CUEDC1: variants seen among roughly 807,000 people sequenced by gnomAD.
CUEDC1 encodes CUE domain containing 1.
In CUEDC1, 30 loss-of-function variants were observed where a neutral mutation model predicts 43.7. The observed-to-expected ratio is 0.69, with a 90% CI of 0.51 to 0.93. The LOEUF (loss-of-function observed/expected upper bound fraction) is 0.93, where lower values mean the gene tolerates loss of function less well. Ranked by LOEUF, CUEDC1 falls within the 40% of genes least tolerant of loss-of-function variation. The pLI is 0.00. For synonymous variants in CUEDC1, 223 were observed against 223.6 expected, an observed-to-expected ratio of 1.00 and a Z score of 0.02; for missense variants, 486 against 549.0, an observed-to-expected ratio of 0.89 and a Z score of 1.15.
intron 1 of CUEDC1, among the ~76,000 whole-genome samples, chr17:57,900,804 T>G (rs540274096): frequency 6.6e-6 from 1 of 152,364 alleles, no homozygotes; most frequent in South Asian, 2.1e-4. Flanking sequence ...GCTCTCATCT[T>G]TAAAGCTGTT....
intron 1 of CUEDC1, among the ~76,000 whole-genome samples, chr17:57,951,994 T>C (rs1020812642): frequency 3.3e-5 from 5 of 152,132 alleles, no homozygotes; most frequent in Non-Finnish European, 5.9e-5. Context: ...AGAGAAACAC[T>C]GAGTGAGCCA....
chr17:57,871,266 T>C lies in CUEDC1; in HGVS notation c.868+20A>G. The stretch of plus-strand genomic sequence containing the variant: ...TCCCCACTATGCCTCTAGGTTTTCT[T>C]CCCCAGAAGGCAAAGTTACCTGGGA... On this transcript the variant is annotated intron_variant, in intron 6 of 10. Coordinates refer to ENST00000577830, the MANE Select transcript of CUEDC1 (RefSeq NM_001271875.2). The C allele has an allele frequency of 6.3e-7, 1 of 1,595,848 alleles. No homozygotes were observed. The highest frequency in any genetic ancestry group is 8.6e-7 in the Non-Finnish European group (1 of 1,163,480).
intron 1 of CUEDC1, among the ~76,000 whole-genome samples, chr17:57,920,103 C>T (rs1268259418): frequency 6.6e-6 from 1 of 152,218 alleles, no homozygotes; most frequent in Admixed American, 6.5e-5. Flanking sequence ...ACTTGCTCAA[C>T]TCACTCAGCT....
rs756698654 is a variant in CUEDC1, at chr17:57,868,248, G to A, written c.941-5C>T. ...CAAACAGTTTCCTCCGGGTGGCTGGGGGCAGAGAGACCTGTGAGTCATTCT... is the reference window on the plus strand; with the variant it reads ...CAAACAGTTTCCTCCGGGTGGCTGGAGGCAGAGAGACCTGTGAGTCATTCT... On this transcript the variant is annotated splice_region_variant and splice_polypyrimidine_tract_variant and intron_variant, in intron 7 of 10. Coordinates refer to ENST00000577830, the MANE Select transcript of CUEDC1 (RefSeq NM_001271875.2). The A allele has an allele frequency of 6.2e-7, 1 of 1,613,716 alleles. No homozygotes were observed. The highest frequency in any genetic ancestry group is 8.5e-7 in the Non-Finnish European group (1 of 1,179,594).
intron 1 of CUEDC1, among the ~76,000 whole-genome samples, chr17:57,898,263 T>C (rs2074434447): frequency 1.3e-5 from 2 of 152,152 alleles, no homozygotes; most frequent in African/African-American, 4.8e-5. Flanking sequence ...GCTCATAGCA[T>C]AGCTGTTTCA....
intron 1 of CUEDC1, among the ~76,000 whole-genome samples, chr17:57,903,962 T>C (rs1484586224): frequency 6.9e-6 from 1 of 145,468 alleles, no homozygotes; most frequent in African/African-American, 2.5e-5. Context: ...TCAGAGAGGG[T>C]TTCCAACAGG....
intron 1 of CUEDC1, among the ~76,000 whole-genome samples, chr17:57,947,574 G>A (rs942194924): frequency 6.6e-6 from 1 of 152,164 alleles, no homozygotes; most frequent in Non-Finnish European, 1.5e-5. Flanking sequence ...TAAGGCGAGT[G>A]GATCTCTTGA....
At chr17:57,951,889 T>C (rs1037343490) in intron 1 of CUEDC1, among the ~76,000 whole-genome samples, 2 of 152,240 alleles carry the variant, frequency 1.3e-5, no homozygotes, top group African/African-American at 4.8e-5. Flanking sequence ...ATTTATGACC[T>C]GCTTTAAAGA....
chr17:57,919,992 G>A (rs2074683466), intron 1 of CUEDC1, among the ~76,000 whole-genome samples: 1 of 152,180 alleles, frequency 6.6e-6, no homozygotes, highest in African/African-American at 2.4e-5. Context: ...CCAGGCACTG[G>A]ACTAAGTGCT....
At chr17:57,929,313 T>C (rs1003282648) in intron 1 of CUEDC1, among the ~76,000 whole-genome samples, 2 of 152,106 alleles carry the variant, frequency 1.3e-5, no homozygotes, top group African/African-American at 4.8e-5. Context: ...CCAGAGAGGT[T>C]AAACAGCCGC....
chr17:57,868,498 C>T (rs1163502300), intron 7 of CUEDC1: 3 of 522,634 alleles, frequency 5.7e-6, no homozygotes, highest in Admixed American at 3.3e-5. Context: ...GCCCAGGGAC[C>T]GCAGGCGGCT....
rs560878347 is a variant in CUEDC1 at position 57,891,236 on chromosome 17, G to A, written c.-315-5357C>T. 4.6e-5 allele frequency among the ~76,000 whole-genome samples: 7 copies of A among 152,346 alleles called. No individual in the cohort carries two copies. The East Asian group carries it at 1.4e-3, about 29-fold the overall frequency. On this transcript the variant is annotated intron_variant, in intron 1 of 10. Transcript: ENST00000577830. ...CCAACAACATGGATCCATCCGACCTGTGATTCCCTCCGACCCCAACCTGCT... is the reference window on the plus strand; with the variant it reads ...CCAACAACATGGATCCATCCGACCTATGATTCCCTCCGACCCCAACCTGCT...
rs559207501 is a variant in CUEDC1 at position 57,909,803 on chromosome 17, T to C, written c.-315-23924A>G. On this transcript the variant is annotated intron_variant, in intron 1 of 10. Transcript: ENST00000577830. Reference sequence around the variant, plus strand: ...AGTGTGCAAATGCAAAACTGCCTCCTTGGGCTTCTCCAGAGCAATGGGGAG... The same window carrying C: ...AGTGTGCAAATGCAAAACTGCCTCCCTGGGCTTCTCCAGAGCAATGGGGAG... Among the ~76,000 whole-genome samples, 9 of 152,318 alleles carry C rather than the reference T, an allele frequency of 5.9e-5. No homozygotes were observed. The South Asian group carries it at 1.5e-3, about 25-fold the overall frequency.
At chr17:57,938,467 G>A (rs2074882676) in intron 1 of CUEDC1, among the ~76,000 whole-genome samples, 1 of 151,748 alleles carries the variant, frequency 6.6e-6, no homozygotes, top group Non-Finnish European at 1.5e-5. Context: ...TCCTTCCCAT[G>A]CCCCTTTAGG....
intron 5 of CUEDC1, 61 bp downstream of exon 5, chr17:57,872,602 G>A: frequency 1.9e-6 from 3 of 1,587,522 alleles, no homozygotes; most frequent in Non-Finnish European, 2.6e-6. Flanking sequence ...GAGCCCCAAG[G>A]CTAAAGCCAG....
At chr17:57,931,297 A>G (rs993328474) in intron 1 of CUEDC1, among the ~76,000 whole-genome samples, 1 of 152,114 alleles carries the variant, frequency 6.6e-6, no homozygotes, top group Non-Finnish European at 1.5e-5. Context: ...GAAAGAAAGA[A>G]AAAAGAAACA....
chr17:57,943,565 T>C (rs549448603), intron 1 of CUEDC1, among the ~76,000 whole-genome samples: 1 of 152,250 alleles, frequency 6.6e-6, no homozygotes, highest in African/African-American at 2.4e-5. Flanking sequence ...TCACCATCCA[T>C]GGCAGTTTTC....
intron 1 of CUEDC1, among the ~76,000 whole-genome samples, chr17:57,926,379 G>A (rs1050948359): frequency 2.0e-5 from 3 of 152,236 alleles, no homozygotes; most frequent in South Asian, 2.1e-4. Flanking sequence ...CAGACTAGCC[G>A]GATCTTGTCC....
At chr17:57,884,192 C>CTTTTTTTTTT (rs780667346) in intron 2 of CUEDC1, among the ~76,000 whole-genome samples, 13 of 81,334 alleles carry the variant, frequency 1.6e-4, no homozygotes, top group Admixed American at 4.9e-4. Flanking sequence ...TTTTTCTTTT[C>CTTTTTTTTTT]TTTTTTTTTT....
Sources: allele counts gnomAD v4.1 joint callset (sites outside exome capture counted in the v4.1 genomes callset), GRCh38; gene constraint gnomAD v4.1.1; transcripts MANE v1.5; gene names NCBI Gene and HGNC (gene_info 2026-07-23, HGNC 2026-07-21).